SNTG1: variants seen among roughly 807,000 people sequenced by gnomAD.
SNTG1 encodes the protein gamma-1-syntrophin.
In SNTG1, 39 loss-of-function variants were observed where a neutral mutation model predicts 74.7. That is an observed-to-expected ratio of 0.52 (90% CI 0.40 to 0.68). The LOEUF (loss-of-function observed/expected upper bound fraction) is 0.68, where lower values mean the gene tolerates loss of function less well. Ranked by LOEUF, SNTG1 falls within the 30% of genes least tolerant of loss-of-function variation. The pLI is 0.00. For synonymous variants in SNTG1, 254 were observed against 217.1 expected, an observed-to-expected ratio of 1.17 and a Z score of -1.49; for missense variants, 685 against 609.5, an observed-to-expected ratio of 1.12 and a Z score of -1.30.
At chr8:50,492,474 C>A (rs1207663820) in intron 8 of SNTG1, among the ~76,000 whole-genome samples, 3 of 152,176 alleles carry the variant, frequency 2.0e-5, no homozygotes, top group Non-Finnish European at 2.9e-5. Context: ...TTTTAATTTG[C>A]ATTTCTCTAA....
chr8:50,777,746 CA>C (rs2095645262), intron 18 of SNTG1, among the ~76,000 whole-genome samples: 1 of 151,384 alleles, frequency 6.6e-6, no homozygotes, highest in Non-Finnish European at 1.5e-5. Context: ...TACATGTGCA[CA>C]ATGTGCAGGT....
chr8:50,753,079 C>T (rs997644634), intron 18 of SNTG1, among the ~76,000 whole-genome samples: 2 of 151,962 alleles, frequency 1.3e-5, no homozygotes, highest in African/African-American at 4.8e-5. Flanking sequence ...CACTTTGTCT[C>T]CCATCAGTTT....
At chr8:50,234,386 G>C (rs969804831) in intron 2 of SNTG1, among the ~76,000 whole-genome samples, 2 of 151,852 alleles carry the variant, frequency 1.3e-5, no homozygotes, top group Admixed American at 6.6e-5. Context: ...AGGGGTGTGT[G>C]TGTAACTATA....
chr8:49,968,394 T>C (rs1811345335), intron 1 of SNTG1, among the ~76,000 whole-genome samples: 1 of 152,170 alleles, frequency 6.6e-6, no homozygotes, highest in South Asian at 2.1e-4. Context: ...ACTTGAGAAT[T>C]ACCAATAAAG....
chr8:49,935,413 T>C (rs1807983630), intron 1 of SNTG1, among the ~76,000 whole-genome samples: 1 of 135,028 alleles, frequency 7.4e-6, no homozygotes. Flanking sequence ...TTTTTTGGTG[T>C]CAAGCACAGG....
intron 8 of SNTG1, among the ~76,000 whole-genome samples, chr8:50,454,872 A>G (rs1413664357): frequency 2.0e-5 from 3 of 150,096 alleles, no homozygotes; most frequent in Admixed American, 1.3e-4. Context: ...AGTGCCATCT[A>G]TGTGAAAAGC....
intron 13 of SNTG1, among the ~76,000 whole-genome samples, chr8:50,620,178 T>G (rs2094912560): frequency 6.6e-6 from 1 of 152,182 alleles, no homozygotes; most frequent in South Asian, 2.1e-4. Flanking sequence ...ATTTCCTTTC[T>G]GGCTGTCATC....
chr8:50,332,547 G>A (rs972866483), intron 2 of SNTG1, among the ~76,000 whole-genome samples: 2 of 151,974 alleles, frequency 1.3e-5, no homozygotes, highest in Admixed American at 1.3e-4. Flanking sequence ...ACATGGAATC[G>A]TGTATAATGT....
intron 1 of SNTG1, among the ~76,000 whole-genome samples, chr8:50,008,577 A>G (rs976354295): frequency 2.0e-5 from 3 of 152,172 alleles, no homozygotes; most frequent in African/African-American, 7.2e-5. Flanking sequence ...TGAATGAATG[A>G]ACGGATGATA....
intron 1 of SNTG1, among the ~76,000 whole-genome samples, chr8:50,156,027 G>T (rs1290661259): frequency 2.6e-5 from 4 of 151,886 alleles, no homozygotes; most frequent in African/African-American, 9.7e-5. Flanking sequence ...GAAATGAAAT[G>T]AAAACTTTTA....
chr8:50,179,397 T>C (rs2083118017), intron 2 of SNTG1, among the ~76,000 whole-genome samples: 1 of 152,194 alleles, frequency 6.6e-6, no homozygotes, highest in African/African-American at 2.4e-5. Context: ...TTAGGCAGTA[T>C]TTGACATTTT....
At chr8:49,937,063 C>T (rs1009881465) in intron 1 of SNTG1, among the ~76,000 whole-genome samples, 11 of 152,228 alleles carry the variant, frequency 7.2e-5, no homozygotes, top group South Asian at 2.1e-4. Context: ...GCAGGAGAAC[C>T]GCTTGAACCC....
chr8:50,143,604 A>G (rs2081751535), intron 1 of SNTG1, among the ~76,000 whole-genome samples: 1 of 152,246 alleles, frequency 6.6e-6, no homozygotes, highest in African/African-American at 2.4e-5. Context: ...ATACATATGC[A>G]TAACATTTGC....
At chr8:50,351,838 C>T (rs1672409011) in intron 2 of SNTG1, among the ~76,000 whole-genome samples, 1 of 152,124 alleles carries the variant, frequency 6.6e-6, no homozygotes, top group South Asian at 2.1e-4. Context: ...TGGGAAGTTA[C>T]TTGATGATCT....
intron 8 of SNTG1, among the ~76,000 whole-genome samples, chr8:50,452,138 C>T (rs115892982): frequency 1.3e-5 from 2 of 152,140 alleles, no homozygotes; most frequent in African/African-American, 4.8e-5. Flanking sequence ...TAATTAGGAA[C>T]ACTTGGCATA....
intron 2 of SNTG1, among the ~76,000 whole-genome samples, chr8:50,217,220 G>A (rs2084832670): frequency 6.6e-6 from 1 of 151,846 alleles, no homozygotes; most frequent in African/African-American, 2.4e-5. Context: ...TTAATATACT[G>A]GTACACACCA....
chr8:49,958,470 G>A (rs114681652), intron 1 of SNTG1, among the ~76,000 whole-genome samples: 2,443 of 151,412 alleles, frequency 0.016, 71 homozygotes, highest in African/African-American at 0.056. Flanking sequence ...AGCCCAGGCC[G>A]GAACCCAGTG....
At chr8:50,300,922 T>C (rs80351649) in intron 2 of SNTG1, among the ~76,000 whole-genome samples, 10,554 of 152,228 alleles carry the variant, frequency 0.069, 412 homozygotes, top group African/African-American at 0.086. Flanking sequence ...ATTTTAGTAA[T>C]GAGTAGTAAG....
intron 1 of SNTG1, among the ~76,000 whole-genome samples, chr8:50,117,414 T>A (rs775706477): frequency 5.3e-5 from 8 of 152,170 alleles, no homozygotes; most frequent in Non-Finnish European, 1.2e-4. Context: ...GAATTGTCCT[T>A]ATCTAAGATT....
Sources: allele counts gnomAD v4.1 joint callset (sites outside exome capture counted in the v4.1 genomes callset), GRCh38; gene constraint gnomAD v4.1.1; transcripts MANE v1.5; gene names NCBI Gene and HGNC (gene_info 2026-07-23, HGNC 2026-07-21).